MYT1L: variants seen among roughly 807,000 people sequenced by gnomAD.
MYT1L encodes myelin transcription factor 1-like protein.
In MYT1L, 12 loss-of-function variants were observed where a neutral mutation model predicts 126.7. The ratio of observed to expected loss-of-function variants is 0.09; its 90% CI spans 0.06 to 0.15. The LOEUF (loss-of-function observed/expected upper bound fraction) is 0.15. Ranked by LOEUF, MYT1L falls within the 10% of genes least tolerant of loss-of-function variation. MYT1L has a pLI of 1.00. For synonymous variants in MYT1L, 541 were observed against 604.2 expected, an observed-to-expected ratio of 0.90 and a Z score of 1.53; for missense variants, 979 against 1,585.2, an observed-to-expected ratio of 0.62 and a Z score of 6.49.
intron 2 of MYT1L, among the ~76,000 whole-genome samples, chr2:2,213,563 C>T (rs2093594574): frequency 6.6e-6 from 1 of 152,296 alleles, no homozygotes; most frequent in African/African-American, 2.4e-5. Flanking sequence ...AGCCTGTTCT[C>T]GTCAGCCAGG....
chr2:1,973,865 T>G (rs547678496), intron 8 of MYT1L, among the ~76,000 whole-genome samples: 174 of 152,318 alleles, frequency 1.1e-3, no homozygotes, highest in Non-Finnish European at 2.0e-3. Flanking sequence ...AATGCAGCGT[T>G]GCTCAAACCA....
In MYT1L at chr2:1,911,931, A is replaced by C. The variant is rs1375386633; in HGVS notation, c.1709+89T>G. The C allele has an allele frequency of 4.9e-5, 50 of 1,025,686 alleles. No individual in the cohort carries two copies. In the East Asian group the frequency reaches 1.3e-3, roughly 27 times the overall value. 63.5% of individuals were successfully genotyped at this position (1,025,686 alleles called of 1,614,324 possible). On this transcript the variant is annotated intron_variant, in intron 12 of 24. Transcript: ENST00000647738. ...CTTGGGGAGCACGGTGGGGAGCACC[A>C]TATGGAGCGTGGTAGGCCCCCCAGG...
chr2:2,053,622 A>C (rs1033464227), intron 4 of MYT1L, among the ~76,000 whole-genome samples: 2 of 152,148 alleles, frequency 1.3e-5, no homozygotes, highest in African/African-American at 2.4e-5. Flanking sequence ...AAATAGAACT[A>C]ATAATGGACA....
intron 21 of MYT1L, among the ~76,000 whole-genome samples, chr2:1,812,501 T>G (rs2036823979): frequency 1.3e-5 from 2 of 151,698 alleles, no homozygotes; most frequent in Non-Finnish European, 1.5e-5. Flanking sequence ...CCAGGGTGAG[T>G]GTGAGTGCAC....
At chr2:1,991,250 C>T (rs184629204) in intron 5 of MYT1L, among the ~76,000 whole-genome samples, 12 of 152,150 alleles carry the variant, frequency 7.9e-5, no homozygotes, top group Non-Finnish European at 1.8e-4. Flanking sequence ...TGGATCCCAC[C>T]TACGCTTCCA....
intron 8 of MYT1L, among the ~76,000 whole-genome samples, chr2:1,967,139 G>A (rs937152527): frequency 6.6e-6 from 1 of 152,116 alleles, no homozygotes; most frequent in Non-Finnish European, 1.5e-5. Flanking sequence ...TCTAGTCCTC[G>A]CTTTAATCCT....
intron 4 of MYT1L, among the ~76,000 whole-genome samples, chr2:2,009,419 C>A (rs889894745): frequency 1.5e-4 from 23 of 152,160 alleles, no homozygotes; most frequent in African/African-American, 5.5e-4. Flanking sequence ...ATATCATTTA[C>A]CTCCTTTGTT....
At chr2:2,248,693 C>T (rs1378584886) in intron 2 of MYT1L, among the ~76,000 whole-genome samples, 2 of 152,074 alleles carry the variant, frequency 1.3e-5, no homozygotes, top group Non-Finnish European at 2.9e-5. Flanking sequence ...CGAAATTTAT[C>T]CCAGGATTGC....
At chr2:2,092,291 G>A (rs570442812) in intron 3 of MYT1L, among the ~76,000 whole-genome samples, 1 of 110,580 alleles carries the variant, frequency 9.0e-6, no homozygotes, top group East Asian at 2.6e-4. Flanking sequence ...TAGGGAATAG[G>A]GAGGTCAGTT....
chr2:1,831,433 C>A (rs879433177), intron 21 of MYT1L, among the ~76,000 whole-genome samples: 12 of 152,312 alleles, frequency 7.9e-5, no homozygotes, highest in Non-Finnish European at 4.4e-5. Flanking sequence ...AGGTCCTGCC[C>A]ACTTCTGCGC....
intron 1 of MYT1L, among the ~76,000 whole-genome samples, chr2:2,320,884 C>T (rs1460593915): frequency 6.6e-6 from 1 of 152,182 alleles, no homozygotes; most frequent in Non-Finnish European, 1.5e-5. Flanking sequence ...TAATCATTTC[C>T]CCCTCGCTCC....
At chr2:2,070,718 A>G (rs2150229620) in intron 3 of MYT1L, among the ~76,000 whole-genome samples, 1 of 152,338 alleles carries the variant, frequency 6.6e-6, no homozygotes, top group East Asian at 1.9e-4. Context: ...TCACTTGATA[A>G]TAAGTAAAAA....
chr2:2,270,968 C>G (rs74335331), intron 2 of MYT1L, among the ~76,000 whole-genome samples: 4,341 of 152,260 alleles, frequency 0.029, 192 homozygotes, highest in African/African-American at 0.099. Flanking sequence ...TGTACAAACT[C>G]CTTACCCGTG....
At position 1,912,509 on chromosome 2, in the gene MYT1L, T is replaced by G. The variant is rs1176988363; in HGVS notation, c.1619-399A>C. 6.6e-6 allele frequency among the ~76,000 whole-genome samples: 1 copy of G among 152,134 alleles called. No homozygotes were observed. The highest frequency in any genetic ancestry group is 1.5e-5 in the Non-Finnish European group (1 of 68,014). On this transcript the variant is annotated intron_variant, in intron 11 of 24. Coordinates refer to ENST00000647738, the MANE Select transcript of MYT1L (RefSeq NM_001303052.2). This position sits in a 1 kb window ranked among gnomAD's most constrained non-coding sequence, Gnocchi z 4.3. ...CACAGATATTACCCATGCACAAGCATGGAGTATTGATTAGCCATAGAACAA... is the reference window on the plus strand; with the variant it reads ...CACAGATATTACCCATGCACAAGCAGGGAGTATTGATTAGCCATAGAACAA...
intron 21 of MYT1L, among the ~76,000 whole-genome samples, chr2:1,829,662 C>T (rs1039379483): frequency 3.8e-5 from 5 of 132,122 alleles, no homozygotes; most frequent in African/African-American, 9.6e-5. Context: ...TGAACTGACC[C>T]TCCCATACAC....
rs2093953473 is a variant in MYT1L at position 2,224,213 on chromosome 2, G to A, written c.-420-51225C>T. On this transcript the variant is annotated intron_variant, in intron 2 of 24. Coordinates refer to ENST00000647738, the MANE Select transcript of MYT1L (RefSeq NM_001303052.2). This position sits in a 1 kb window ranked among gnomAD's most constrained non-coding sequence, Gnocchi z 4.0. ...TGCCTTTCTTATAGGGAAGAATTCTGTGACGAGTTGGCCCCTCCTTGCCCA... is the reference window on the plus strand; with the variant it reads ...TGCCTTTCTTATAGGGAAGAATTCTATGACGAGTTGGCCCCTCCTTGCCCA... 6.6e-6 allele frequency among the ~76,000 whole-genome samples: 1 copy of A among 152,248 alleles called. No homozygotes were observed. Among genetic ancestry groups the A allele is most frequent in the East Asian group, 1.9e-4 (1 of 5,164 alleles).
chr2:1,845,016 C>T (rs1415090899), intron 19 of MYT1L, among the ~76,000 whole-genome samples: 2 of 148,936 alleles, frequency 1.3e-5, no homozygotes, highest in Admixed American at 1.3e-4. Flanking sequence ...TCTCGCTCTG[C>T]TGCCCAGGCT....
At chr2:2,130,016 G>A (rs2082175059) in intron 3 of MYT1L, among the ~76,000 whole-genome samples, 1 of 151,912 alleles carries the variant, frequency 6.6e-6, no homozygotes, top group African/African-American at 2.4e-5. Context: ...TTTCTACGTG[G>A]GAAAAGGCAC....
chr2:1,809,001 G>C (rs142428815), intron 22 of MYT1L, 75 bp downstream of exon 22: 1 of 1,293,812 alleles, frequency 7.7e-7, no homozygotes, highest in Non-Finnish European at 1.1e-6. Context: ...ACTGTCAAAG[G>C]ACACACAGCT....
Sources: allele counts gnomAD v4.1 joint callset (sites outside exome capture counted in the v4.1 genomes callset), GRCh38; gene constraint gnomAD v4.1.1; non-coding constraint Gnocchi (gnomAD v3.1); transcripts MANE v1.5; gene names NCBI Gene and HGNC (gene_info 2026-07-23, HGNC 2026-07-21).